Variants in VPS13B observed in about 807,000 individuals in gnomAD.
VPS13B encodes intermembrane lipid transfer protein VPS13B.
Under a neutral mutation model 426.4 loss-of-function variants are expected in VPS13B, and 285 were observed. That is an observed-to-expected ratio of 0.67 (90% CI 0.61 to 0.74). VPS13B has a LOEUF of 0.74. VPS13B is among the 30% of genes least tolerant of loss of function. VPS13B has a pLI of 0.00. For synonymous variants in VPS13B, 1,676 were observed against 1,676.4 expected (o/e 1.00, Z 0.01); for missense variants, 4,537 against 4,782.6 (o/e 0.95, Z 1.51).
intron 8 of VPS13B, among the ~76,000 whole-genome samples, chr8:99,126,664 A>G (rs906280662): frequency 1.3e-5 from 2 of 152,204 alleles, no homozygotes; most frequent in Non-Finnish European, 2.9e-5. Context: ...TGAGTCTAAG[A>G]AAGAGGGATA....
chr8:99,159,800 A>G (rs1811548156), intron 15 of VPS13B, among the ~76,000 whole-genome samples: 1 of 152,074 alleles, frequency 6.6e-6, no homozygotes, highest in Non-Finnish European at 1.5e-5. Context: ...CTGGGACCAC[A>G]GGTACACATG....
At chr8:99,142,065 AAATC>A (rs1336818005) in intron 12 of VPS13B, among the ~76,000 whole-genome samples, 5 of 152,176 alleles carry the variant, frequency 3.3e-5, no homozygotes, top group East Asian at 1.9e-4. Flanking sequence ...AAATAAATAA[AAATC>A]AATCAATCAA....
intron 43 of VPS13B, among the ~76,000 whole-genome samples, chr8:99,806,959 T>C (rs996322142): frequency 6.6e-6 from 1 of 152,222 alleles, no homozygotes; most frequent in African/African-American, 2.4e-5. Context: ...CCTGAATTTC[T>C]TTTTGTTGGT....
At chr8:99,084,744 T>C (rs1186959888) in intron 3 of VPS13B, among the ~76,000 whole-genome samples, 1 of 152,198 alleles carries the variant, frequency 6.6e-6, no homozygotes, top group African/African-American at 2.4e-5. Context: ...GTTGTTCAGT[T>C]TCCATGTAGT....
At chr8:99,735,326 G>A (rs1314151107) in intron 39 of VPS13B, among the ~76,000 whole-genome samples, 1 of 152,142 alleles carries the variant, frequency 6.6e-6, no homozygotes. Flanking sequence ...TTTGGAAGTA[G>A]GGTTTTTGCA....
intron 47 of VPS13B, 88 bp from the exon 48 acceptor site, chr8:99,819,324 A>C (rs1814229819): frequency 6.8e-7 from 1 of 1,475,768 alleles, no homozygotes; most frequent in Non-Finnish European, 9.4e-7. Context: ...TTGGTCTATA[A>C]TACATTTGTA....
At chr8:99,225,359 A>G (rs1815959900) in intron 17 of VPS13B, among the ~76,000 whole-genome samples, 1 of 151,308 alleles carries the variant, frequency 6.6e-6, no homozygotes, top group African/African-American at 2.4e-5. Context: ...AGCTCACTGC[A>G]AGGTTCGCCT....
chr8:99,614,569 C>T (rs570805957), intron 33 of VPS13B, among the ~76,000 whole-genome samples: 18 of 152,162 alleles, frequency 1.2e-4, no homozygotes, highest in South Asian at 2.1e-4. Context: ...TGAGCCACTG[C>T]GCCTGGCCTA....
intron 17 of VPS13B, among the ~76,000 whole-genome samples, chr8:99,267,255 C>T (rs1375272202): frequency 6.6e-6 from 1 of 152,146 alleles, no homozygotes; most frequent in Admixed American, 6.6e-5. Flanking sequence ...AAAGTTAACT[C>T]TTGCTGTGCT....
At chr8:99,489,680 T>G (rs1820497958) in intron 25 of VPS13B, among the ~76,000 whole-genome samples, 1 of 152,182 alleles carries the variant, frequency 6.6e-6, no homozygotes. Flanking sequence ...GAATGGGAGT[T>G]CACTCATGAT....
intron 3 of VPS13B, among the ~76,000 whole-genome samples, chr8:99,053,506 A>G (rs1843673733): frequency 6.6e-6 from 1 of 152,062 alleles, no homozygotes; most frequent in Non-Finnish European, 1.5e-5. Flanking sequence ...AATACTATGC[A>G]GCCATCATTC....
At chr8:99,610,305 G>C (rs992501070) in intron 33 of VPS13B, among the ~76,000 whole-genome samples, 1 of 152,220 alleles carries the variant, frequency 6.6e-6, no homozygotes, top group African/African-American at 2.4e-5. Flanking sequence ...GTTCATTGCA[G>C]CACTATTCAC....
At chr8:99,260,264 G>A (rs948056882) in intron 17 of VPS13B, among the ~76,000 whole-genome samples, 2 of 152,108 alleles carry the variant, frequency 1.3e-5, no homozygotes, top group Non-Finnish European at 2.9e-5. Context: ...TCAACTCTCA[G>A]GAGGAGAAAG....
intron 3 of VPS13B, among the ~76,000 whole-genome samples, chr8:99,067,919 C>T (rs1490243321): frequency 6.6e-6 from 1 of 152,128 alleles, no homozygotes; most frequent in African/African-American, 2.4e-5. Context: ...AAGATATTTC[C>T]TGTTTTTTCC....
At chr8:99,689,012 C>T (rs768801817) in intron 35 of VPS13B, among the ~76,000 whole-genome samples, 1 of 151,938 alleles carries the variant, frequency 6.6e-6, no homozygotes, top group Non-Finnish European at 1.5e-5. Context: ...CTTAAATGAC[C>T]TTGGGATAGT....
At chr8:99,559,361 C>A (rs555391170) in intron 31 of VPS13B, among the ~76,000 whole-genome samples, 46 of 152,168 alleles carry the variant, frequency 3.0e-4, no homozygotes, top group Middle Eastern at 3.4e-3. Flanking sequence ...TAGGTTGCCT[C>A]TTCACTCTGA....
chr8:99,038,679 CTTTTTTTTTT>C (rs34774482), intron 3 of VPS13B, 113 bp downstream of exon 3: 8 of 168,702 alleles, frequency 4.7e-5, no homozygotes, highest in Admixed American at 4.6e-4. Flanking sequence ...AGCTTATATA[CTTTTTTTTTT>C]TTTTTTTTTT....
intron 3 of VPS13B, among the ~76,000 whole-genome samples, chr8:99,049,257 G>A (rs1223038213): frequency 6.6e-6 from 1 of 151,164 alleles, no homozygotes; most frequent in East Asian, 1.9e-4. Flanking sequence ...TATAGGTCCT[G>A]TGAGATTTAT....
At chr8:99,122,123 T>C (rs1847979354) in intron 8 of VPS13B, among the ~76,000 whole-genome samples, 1 of 151,724 alleles carries the variant, frequency 6.6e-6, no homozygotes, top group Admixed American at 6.6e-5. Flanking sequence ...CCTCCCAATG[T>C]GCTAGGATTA....
Sources: gnomAD v4.1 joint callset for allele counts (sites outside exome capture counted in the v4.1 genomes callset) on GRCh38, gnomAD v4.1.1 for gene constraint, MANE v1.5 for transcripts, NCBI Gene and HGNC (gene_info 2026-07-23, HGNC 2026-07-21) for gene names.